The following MICU3 variants were observed in gnomAD, a reference collection of about 807,000 sequenced individuals.
The protein encoded by MICU3 is calcium uptake protein 3, mitochondrial.
MICU3 carries 62 observed loss-of-function variants against 66.5 expected under a neutral mutation model. The ratio of observed to expected loss-of-function variants is 0.93; its 90% confidence interval spans 0.76 to 1.15. The LOEUF is 1.15. Ranked by LOEUF, MICU3 falls within the 50% of genes most tolerant of loss-of-function variation. MICU3 has a pLI of 0.00. For missense variants in MICU3, 779 were observed against 664.4 expected, an observed-to-expected ratio of 1.17 and a Z score of -1.90; for synonymous variants, 308 against 240.7, an observed-to-expected ratio of 1.28 and a Z score of -2.59.
intron 11 of MICU3, among the ~76,000 whole-genome samples, chr8:17,106,654 A>G (rs962951864): frequency 6.6e-6 from 1 of 152,056 alleles, no homozygotes; most frequent in Non-Finnish European, 1.5e-5. Flanking sequence ...CAATTTCTAG[A>G]AGTATCTTAA....
chr8:17,116,789 T>TA (rs773655098), intron 13 of MICU3, among the ~76,000 whole-genome samples, 189 bp downstream of exon 13: 11 of 152,202 alleles, frequency 7.2e-5, no homozygotes, highest in Non-Finnish European at 1.5e-4. Flanking sequence ...GAATGCTTTT[T>TA]AAAAAATGTG....
intron 7 of MICU3, among the ~76,000 whole-genome samples, chr8:17,089,078 T>C (rs1285354452): frequency 2.6e-5 from 4 of 151,956 alleles, no homozygotes; most frequent in Non-Finnish European, 5.9e-5. Context: ...TAATATAATA[T>C]ATAATTTGTT....
intron 2 of MICU3, among the ~76,000 whole-genome samples, chr8:17,066,093 T>C (rs1818636549): frequency 6.6e-6 from 1 of 151,896 alleles, no homozygotes; most frequent in African/African-American, 2.4e-5. Flanking sequence ...TATTTACGAA[T>C]TTTAAGGCTG....
At chr8:17,066,634 C>T (rs1008430073) in intron 2 of MICU3, among the ~76,000 whole-genome samples, 1 of 149,828 alleles carries the variant, frequency 6.7e-6, no homozygotes, top group African/African-American at 2.5e-5. Context: ...CCTCAACCTC[C>T]GAGGCTCAAG....
chr8:17,039,707 T>C (rs1813695962), intron 1 of MICU3, among the ~76,000 whole-genome samples: 1 of 152,052 alleles, frequency 6.6e-6, no homozygotes, highest in Non-Finnish European at 1.5e-5. Context: ...AATTTATCTC[T>C]AGTAATTTTT....
intron 9 of MICU3, among the ~76,000 whole-genome samples, chr8:17,103,374 T>C (rs532286093): frequency 1.7e-4 from 26 of 152,070 alleles, no homozygotes; most frequent in African/African-American, 6.0e-4. Flanking sequence ...TTCTGTCTTA[T>C]GTTTTCTATG....
intron 1 of MICU3, among the ~76,000 whole-genome samples, chr8:17,063,109 G>A (rs932380255): frequency 1.3e-5 from 2 of 152,106 alleles, no homozygotes; most frequent in Non-Finnish European, 2.9e-5. Flanking sequence ...CGAAGTTTTA[G>A]TAAGTAAAAA....
At chr8:17,077,611 G>A (rs1360501394) in intron 3 of MICU3, among the ~76,000 whole-genome samples, 172 bp from the exon 4 acceptor site, 1 of 151,958 alleles carries the variant, frequency 6.6e-6, no homozygotes, top group Non-Finnish European at 1.5e-5. Flanking sequence ...TTGAACTGTG[G>A]GCAAATACTG....
intron 1 of MICU3, among the ~76,000 whole-genome samples, chr8:17,048,136 T>G (rs1023104279): frequency 2.6e-5 from 4 of 152,196 alleles, no homozygotes; most frequent in African/African-American, 9.6e-5. Context: ...ATATATATGT[T>G]TCGATGTTCG....
rs1801546594 is a variant in MICU3 at position 17,104,380 on chromosome 8, T to A, written c.985-11T>A. On this transcript the variant is annotated splice_polypyrimidine_tract_variant and intron_variant, in intron 9 of 14. Coordinates refer to ENST00000318063, the MANE Select transcript of MICU3 (RefSeq NM_181723.3). Reference sequence around the variant, plus strand: ...TTGAAGCTAACTTTTAAATTGTGATTTTTTTTTAAGCGTGCTGATGACATC... The same window carrying A: ...TTGAAGCTAACTTTTAAATTGTGATATTTTTTTAAGCGTGCTGATGACATC... 3 of 1,337,836 alleles carry A rather than the reference T, an allele frequency of 2.2e-6. No individual in the cohort carries two copies. The East Asian group carries it at 7.8e-5, about 35-fold the overall frequency. The allele number at this position is 1,337,836 out of a possible 1,614,324, so 82.9% of individuals were successfully genotyped here. A position where few individuals can be genotyped will look rare whatever the true frequency, so the allele number is the denominator to read the frequency against.
intron 2 of MICU3, among the ~76,000 whole-genome samples, chr8:17,066,706 A>G (rs1022925804): frequency 1.5e-4 from 23 of 151,318 alleles, no homozygotes; most frequent in Non-Finnish European, 2.9e-4. Flanking sequence ...CCATGCCACC[A>G]GCTAATTTTT....
chr8:17,121,049 T>C lies in MICU3; in HGVS notation c.*762T>C, dbSNP rs1245637703. Reference sequence around the variant, plus strand: ...GTGTTGATAGTAGAAGCAGTGGTAGTTGTTGTAACAGTAATCATTGTCATT... The same window carrying C: ...GTGTTGATAGTAGAAGCAGTGGTAGCTGTTGTAACAGTAATCATTGTCATT... On this transcript the variant is annotated 3_prime_UTR_variant, in exon 15 of 15. Transcript: ENST00000318063. 4 of 151,950 alleles carry C rather than the reference T, an allele frequency of 2.6e-5. No individual in the cohort carries two copies. The highest frequency in any genetic ancestry group is 7.2e-5 in the African/African-American group (3 of 41,436). The allele number at this position is 151,950 out of a possible 1,614,324, so 9.4% of individuals were successfully genotyped here.
chr8:17,092,936 G>T (rs1429123424), intron 8 of MICU3, among the ~76,000 whole-genome samples: 4 of 152,038 alleles, frequency 2.6e-5, no homozygotes, highest in Non-Finnish European at 5.9e-5. Flanking sequence ...CCTTTAGGAA[G>T]AAGTTTCCTC....
At chr8:17,046,180 TA>T (rs1277895442) in intron 1 of MICU3, among the ~76,000 whole-genome samples, 1 of 152,214 alleles carries the variant, frequency 6.6e-6, no homozygotes, top group African/African-American at 2.4e-5. Context: ...CCTGGACTTG[TA>T]AATTTCACTG....
At chr8:17,074,590 C>CGTGTGTGTGT (rs35861279) in intron 3 of MICU3, among the ~76,000 whole-genome samples, 1,449 of 141,976 alleles carry the variant, frequency 0.01, 7 homozygotes, top group African/African-American at 0.014. Context: ...GATGTTAAAA[C>CGTGTGTGTGT]GTGTGTGTGT....
chr8:17,110,269 T>A (rs1402126333), intron 11 of MICU3, among the ~76,000 whole-genome samples: 4 of 152,202 alleles, frequency 2.6e-5, no homozygotes, highest in African/African-American at 9.6e-5. Flanking sequence ...GAGGTAAAAT[T>A]TGTATAACAA....
At chr8:17,119,783 T>C (rs925846414) in intron 14 of MICU3, among the ~76,000 whole-genome samples, 10 of 152,180 alleles carry the variant, frequency 6.6e-5, no homozygotes, top group Non-Finnish European at 1.2e-4. Context: ...GTTTGAGATC[T>C]AGTGTTTTAT....
At chr8:17,030,187 AC>A (rs767393500) in intron 1 of MICU3, among the ~76,000 whole-genome samples, 4 of 152,176 alleles carry the variant, frequency 2.6e-5, no homozygotes, top group Non-Finnish European at 5.9e-5. Context: ...ATAAATTATA[AC>A]TTTGGCCTTC....
intron 4 of MICU3, among the ~76,000 whole-genome samples, chr8:17,079,608 T>C (rs1585380735): frequency 6.6e-6 from 1 of 152,080 alleles, no homozygotes; most frequent in South Asian, 2.1e-4. Context: ...AGTGGTGCCA[T>C]CATGGCTCAT....
Sources: allele counts gnomAD v4.1 joint callset (sites outside exome capture counted in the v4.1 genomes callset), GRCh38; gene constraint gnomAD v4.1.1; transcripts MANE v1.5; gene names NCBI Gene and HGNC (gene_info 2026-07-23, HGNC 2026-07-21).